CUX2: variants seen among roughly 807,000 people sequenced by gnomAD.
CUX2 encodes homeobox protein cut-like 2.
CUX2 carries 40 observed loss-of-function variants against 144.8 expected under a neutral mutation model. The observed-to-expected ratio is 0.28, with a 90% CI of 0.21 to 0.36. The LOEUF is 0.36. Among genes scored for constraint, CUX2 ranks in the 10% least tolerant of loss-of-function variants. CUX2 has a pLI of 1.00. For synonymous variants in CUX2, 827 were observed against 875.6 expected (o/e 0.94, Z 0.98); for missense variants, 1,615 against 1,994.0 (o/e 0.81, Z 3.62).
At chr12:111,226,029 C>T (rs180855940) in intron 3 of CUX2, among the ~76,000 whole-genome samples, 9 of 152,346 alleles carry the variant, frequency 5.9e-5, no homozygotes, top group Admixed American at 2.6e-4. Flanking sequence ...CTGCAACCTC[C>T]GCCTCCCGGG....
intron 4 of CUX2, among the ~76,000 whole-genome samples, chr12:111,284,049 C>T (rs1885256544): frequency 6.6e-6 from 1 of 152,024 alleles, no homozygotes. Flanking sequence ...CCTCTCTCTC[C>T]TTCCCCTCTT....
intron 1 of CUX2, among the ~76,000 whole-genome samples, chr12:111,075,016 C>A (rs1054448132): frequency 2.6e-5 from 4 of 152,226 alleles, no homozygotes; most frequent in African/African-American, 9.7e-5. Context: ...CAGTCCCCCA[C>A]AGGCCTTCTC....
intron 1 of CUX2, among the ~76,000 whole-genome samples, chr12:111,083,271 C>T (rs1337465540): frequency 1.3e-5 from 2 of 152,076 alleles, no homozygotes; most frequent in African/African-American, 4.8e-5. Flanking sequence ...AGAACTGGGG[C>T]AGGGCAGGGG....
At chr12:111,276,216 G>T (rs1884865900) in intron 4 of CUX2, among the ~76,000 whole-genome samples, 1 of 152,042 alleles carries the variant, frequency 6.6e-6, no homozygotes, top group Non-Finnish European at 1.5e-5. Context: ...AGCTGGGCAT[G>T]GTGACGCGTG....
intron 1 of CUX2, among the ~76,000 whole-genome samples, chr12:111,117,649 A>T (rs1874387013): frequency 6.6e-6 from 1 of 152,216 alleles, no homozygotes; most frequent in Non-Finnish European, 1.5e-5. Flanking sequence ...TGACACTGAG[A>T]GCTAATGGTT....
chr12:111,223,073 A>G (rs1881936910), intron 3 of CUX2, among the ~76,000 whole-genome samples: 1 of 152,124 alleles, frequency 6.6e-6, no homozygotes, highest in Non-Finnish European at 1.5e-5. Context: ...CCCAAAGGAG[A>G]CAAGGCCACC....
Position 111,327,016 on chromosome 12 carries a change from CTCTG to C in CUX2, c.2926+4440_2926+4443del, listed in dbSNP as rs372727816. On this transcript the variant is annotated intron_variant, in intron 18 of 21. Coordinates refer to ENST00000261726, the MANE Select transcript of CUX2 (RefSeq NM_015267.4). Reference sequence around the variant, plus strand: ...CATGCACAATGCGTGTGACCATCACCTCTGTCTAATTCCAGAATATTCCCACCGC... The same window carrying C: ...CATGCACAATGCGTGTGACCATCACCTCTAATTCCAGAATATTCCCACCGC... Among the ~76,000 whole-genome samples, 51 of 152,296 alleles carry C rather than the reference CTCTG, an allele frequency of 3.3e-4. 1 individual carries two copies. Among genetic ancestry groups the C allele is most frequent in the African/African-American group, 1.0e-3 (43 of 41,554 alleles).
chr12:111,265,434 C>T (rs1367733614), intron 4 of CUX2, among the ~76,000 whole-genome samples: 2 of 151,726 alleles, frequency 1.3e-5, no homozygotes, highest in East Asian at 1.9e-4. Flanking sequence ...CTCCGCCTCC[C>T]GGGTTCAAGC....
chr12:111,297,939 TGG>T (rs1886092339), intron 8 of CUX2, among the ~76,000 whole-genome samples: 3 of 151,758 alleles, frequency 2.0e-5, no homozygotes, highest in Non-Finnish European at 4.4e-5. Context: ...CTGGAGGAGG[TGG>T]CTTTCAGAAT....
Position 111,312,255 on chromosome 12 carries a change from AG to A in CUX2, c.2002+56del. On this transcript the variant is annotated intron_variant, in intron 16 of 21. Transcript: ENST00000261726. This position sits in a 1 kb window ranked among gnomAD's most constrained non-coding sequence, Gnocchi z 4.3. Reference sequence around the variant, plus strand: ...GAGGCCCCCGGGGCCAGCTGCGAACAGGAGATGAGGCTTCGTCTACCTTTGT... The same window carrying A: ...GAGGCCCCCGGGGCCAGCTGCGAACAGAGATGAGGCTTCGTCTACCTTTGT... 1 of 1,465,800 alleles carries A rather than the reference AG, an allele frequency of 6.8e-7. No individual in the cohort carries two copies. Among genetic ancestry groups the A allele is most frequent in the Non-Finnish European group, 9.3e-7 (1 of 1,071,222 alleles). 90.8% of individuals were successfully genotyped at this position (1,465,800 alleles called of 1,614,324 possible). A position where few individuals can be genotyped will look rare whatever the true frequency, so the allele number is the denominator to read the frequency against.
intron 1 of CUX2, among the ~76,000 whole-genome samples, chr12:111,109,009 C>T (rs1873778378): frequency 1.3e-5 from 2 of 152,320 alleles, no homozygotes; most frequent in East Asian, 1.9e-4. Flanking sequence ...CTGGCTATCT[C>T]CCTTTCAGGG....
At chr12:111,264,285 C>G (rs541805455) in intron 4 of CUX2, among the ~76,000 whole-genome samples, 1 of 152,200 alleles carries the variant, frequency 6.6e-6, no homozygotes, top group Non-Finnish European at 1.5e-5. Context: ...CAGAAGAGCA[C>G]ATCCTGTAGG....
chr12:111,094,432 G>T (rs1299689482), intron 1 of CUX2, among the ~76,000 whole-genome samples: 1 of 152,200 alleles, frequency 6.6e-6, no homozygotes, highest in Non-Finnish European at 1.5e-5. Flanking sequence ...CTGAGCTTGG[G>T]GACTGGGGTC....
At position 111,144,698 on chromosome 12, in the gene CUX2, G is replaced by A. The variant is rs142076721; in HGVS notation, c.64-69502G>A. Among the ~76,000 whole-genome samples the A allele has an allele frequency of 6.2e-3, 942 of 152,304 alleles. 11 individuals carry two copies. The highest frequency in any genetic ancestry group is 0.021 in the African/African-American group (890 of 41,556). Reference sequence around the variant, plus strand: ...AATTCCTGAATGCTTAAAGATGAACGAATGAATGCCTTTAGCTTACCACTG... The same window carrying A: ...AATTCCTGAATGCTTAAAGATGAACAAATGAATGCCTTTAGCTTACCACTG... On this transcript the variant is annotated intron_variant, in intron 1 of 21. Coordinates refer to ENST00000261726, the MANE Select transcript of CUX2 (RefSeq NM_015267.4).
chr12:111,094,527 C>CTTGCTCGG (rs1408825554), intron 1 of CUX2, among the ~76,000 whole-genome samples: 1 of 152,232 alleles, frequency 6.6e-6, no homozygotes, highest in Non-Finnish European at 1.5e-5. Context: ...GAGACAGGGT[C>CTTGCTCGG]TTGCTCGGTT....
At chr12:111,260,211 T>C (rs962154865) in intron 3 of CUX2, among the ~76,000 whole-genome samples, 2 of 146,444 alleles carry the variant, frequency 1.4e-5, no homozygotes, top group Admixed American at 6.8e-5. Context: ...ACACCTGTAA[T>C]CCCAGCACTT....
At chr12:111,043,785 A>G (rs1175688234) in intron 1 of CUX2, among the ~76,000 whole-genome samples, 1 of 152,236 alleles carries the variant, frequency 6.6e-6, no homozygotes, top group African/African-American at 2.4e-5. Flanking sequence ...CCAAGGACAC[A>G]TATCTAGGAA....
chr12:111,337,638 G>T (rs1888410466), intron 19 of CUX2, among the ~76,000 whole-genome samples: 1 of 152,220 alleles, frequency 6.6e-6, no homozygotes, highest in Non-Finnish European at 1.5e-5. Context: ...AACTGGGATG[G>T]AATCTGTCAA....
chr12:111,228,230 G>C (rs1033321143), intron 3 of CUX2, among the ~76,000 whole-genome samples: 1 of 152,134 alleles, frequency 6.6e-6, no homozygotes, highest in Non-Finnish European at 1.5e-5. Context: ...GTGGTTAGGA[G>C]TGTGGTTCTG....
Sources: gnomAD v4.1 joint callset for allele counts (sites outside exome capture counted in the v4.1 genomes callset) on GRCh38, gnomAD v4.1.1 for gene constraint, Gnocchi (gnomAD v3.1) non-coding constraint, MANE v1.5 for transcripts, NCBI Gene and HGNC (gene_info 2026-07-23, HGNC 2026-07-21) for gene names.